The following ZNRF2 variants were observed in gnomAD, a reference collection of about 807,000 sequenced individuals.
The protein encoded by ZNRF2 is E3 ubiquitin-protein ligase ZNRF2.
Under a neutral mutation model 20.4 loss-of-function variants are expected in ZNRF2, and 16 were observed. The observed-to-expected ratio is 0.79, with a 90% CI of 0.53 to 1.19. The LOEUF is 1.19. Among genes scored for constraint, ZNRF2 ranks in the 50% most tolerant of loss-of-function variants. ZNRF2 has a pLI of 0.00. For missense variants in ZNRF2, 363 were observed against 332.4 expected (o/e 1.09, Z -0.72); for synonymous variants, 178 against 144.9 (o/e 1.23, Z -1.64).
At chr7:30,295,969 T>C (rs181475941) in intron 1 of ZNRF2, among the ~76,000 whole-genome samples, 2 of 152,366 alleles carry the variant, frequency 1.3e-5, no homozygotes, top group African/African-American at 4.8e-5. Context: ...TAATGTGTCT[T>C]CCTTATATTT....
At chr7:30,319,543 A>G (rs1583579459) in intron 1 of ZNRF2, among the ~76,000 whole-genome samples, 1 of 152,154 alleles carries the variant, frequency 6.6e-6, no homozygotes, top group Non-Finnish European at 1.5e-5. Context: ...TCACCTGACT[A>G]TTAAGGATAA....
In ZNRF2 at chr7:30,367,585, C is replaced by T. The variant is rs149966255; in HGVS notation, c.*1573C>T. The T allele has an allele frequency of 6.6e-6, 1 of 152,008 alleles. No homozygotes were observed. Among genetic ancestry groups the T allele is most frequent in the Non-Finnish European group, 1.5e-5 (1 of 67,850 alleles). 9.4% of individuals were successfully genotyped at this position (152,008 alleles called of 1,614,324 possible). On this transcript the variant is annotated 3_prime_UTR_variant, in exon 5 of 5. Coordinates refer to ENST00000323037, the MANE Select transcript of ZNRF2 (RefSeq NM_147128.4). ...CTAAATTTTTCCCCCTACTTTCTTG[C>T]TTCTGTTTCACATTTTTTAAAAGGG...
At position 30,339,606 on chromosome 7, in the gene ZNRF2, C is replaced by G. The variant is rs377639312; in HGVS notation, c.565+15869C>G. ...TGGTGTTATTTCTGAGGCCTTTGTTCTGTTCCATTGCTCTATATATCTGTT... is the reference window on the plus strand; with the variant it reads ...TGGTGTTATTTCTGAGGCCTTTGTTGTGTTCCATTGCTCTATATATCTGTT... On this transcript the variant is annotated intron_variant, in intron 2 of 4. Transcript: ENST00000323037. Among the ~76,000 whole-genome samples, 3 of 152,128 alleles carry G rather than the reference C, an allele frequency of 2.0e-5. No individual in the cohort carries two copies. The South Asian group carries it at 6.2e-4, about 31-fold the overall frequency.
chr7:30,322,843 A>C (rs1342989594), intron 1 of ZNRF2, among the ~76,000 whole-genome samples: 1 of 152,178 alleles, frequency 6.6e-6, no homozygotes, highest in Non-Finnish European at 1.5e-5. Context: ...TCTTAGCAGC[A>C]AGAAGGCAGG....
Position 30,362,364 on chromosome 7 carries a change from TG to T in ZNRF2, c.672-12del. ...ATAAGTATCTCAATTTTTCTGGTTT[TG>T]TTCCTTTCTAGCTGCATAGATGAAT... is the stretch of plus-strand genomic sequence containing the variant. On this transcript the variant is annotated splice_polypyrimidine_tract_variant and intron_variant, in intron 3 of 4. Transcript: ENST00000323037. 1 of 1,563,758 alleles carries T rather than the reference TG, an allele frequency of 6.4e-7. No individual in the cohort carries two copies.
chr7:30,295,050 AGTGTGTGTGTGTGTGTGTGTGTGT>A (rs71536219), intron 1 of ZNRF2, among the ~76,000 whole-genome samples: 1 of 38,238 alleles, frequency 2.6e-5, no homozygotes, highest in African/African-American at 1.3e-4. Flanking sequence ...AGAGAGAGAG[AGTGTGTGTGTGTGTGTGTGTGTGT>A]GTGTGTGTGT....
rs1299669432 is a variant in ZNRF2 at position 30,285,593 on chromosome 7, G to C, written c.236G>C (p.Arg79Pro). 1.8e-6 allele frequency: 2 copies of C among 1,107,758 alleles called. No individual in the cohort carries two copies. The highest frequency in any genetic ancestry group is 3.4e-5 in the African/African-American group (2 of 59,200). 68.6% of individuals were successfully genotyped at this position (1,107,758 alleles called of 1,614,324 possible). ...AAAPAAPAAPRSRSLGGAVGS... is the reference protein window; with the variant it reads ...AAAPAAPAAPPSRSLGGAVGS... ...GCCCCGGCAGCCCCGGCGGCCCCGC[G>C]CAGCCGCTCCCTCGGCGGGGCCGTG... Residue 79 changes from arginine (R) to proline (P), a missense_variant, in exon 1 of 5, where the codon CGC (arginine) becomes CCC (proline). Physicochemically the swap from Arg to Pro is moderately radical, Grantham distance 103. This residue lies in a region of ZNRF2 where 302 missense variants were observed against 231.5 expected (regional missense o/e 1.30). Coordinates refer to ENST00000323037, the MANE Select transcript of ZNRF2 (RefSeq NM_147128.4).
intron 1 of ZNRF2, 120 bp downstream of exon 1, chr7:30,285,946 C>G: frequency 1.5e-6 from 2 of 1,323,446 alleles, no homozygotes; most frequent in Non-Finnish European, 1.9e-6. Flanking sequence ...GGGGCTGCCT[C>G]CCGGACCAGC....
At chr7:30,336,977 A>G (rs1434506245) in intron 2 of ZNRF2, among the ~76,000 whole-genome samples, 1 of 152,194 alleles carries the variant, frequency 6.6e-6, no homozygotes, top group Non-Finnish European at 1.5e-5. Flanking sequence ...TTATTGAAAT[A>G]TTTTGTATCC....
chr7:30,325,552 G>A (rs1799538828), intron 2 of ZNRF2, among the ~76,000 whole-genome samples: 1 of 152,162 alleles, frequency 6.6e-6, no homozygotes, highest in Non-Finnish European at 1.5e-5. Flanking sequence ...TAACAAAAAT[G>A]TTGGGAGGGG....
chr7:30,334,845 A>G (rs546354951), intron 2 of ZNRF2, among the ~76,000 whole-genome samples: 4 of 152,292 alleles, frequency 2.6e-5, no homozygotes, highest in East Asian at 3.9e-4. Flanking sequence ...CTGACATACA[A>G]AGTTTAGATT....
chr7:30,322,666 C>CAAAAAAA (rs5883237), intron 1 of ZNRF2, among the ~76,000 whole-genome samples: 2 of 145,380 alleles, frequency 1.4e-5, no homozygotes. Flanking sequence ...ATCATATTTC[C>CAAAAAAA]AAAAAAAAAA....
At chr7:30,352,551 T>C (rs191568827) in intron 2 of ZNRF2, among the ~76,000 whole-genome samples, 5 of 152,190 alleles carry the variant, frequency 3.3e-5, no homozygotes, top group Non-Finnish European at 5.9e-5. Context: ...TGTTGAGGTA[T>C]GAGCAATAAC....
chr7:30,297,091 A>G (rs1012369359), intron 1 of ZNRF2, among the ~76,000 whole-genome samples: 1 of 152,038 alleles, frequency 6.6e-6, no homozygotes, highest in Non-Finnish European at 1.5e-5. Context: ...TTTCCTGTAC[A>G]ATTTTGTGTT....
intron 3 of ZNRF2, among the ~76,000 whole-genome samples, chr7:30,357,751 A>G (rs1047495322): frequency 6.6e-6 from 1 of 152,152 alleles, no homozygotes; most frequent in South Asian, 2.1e-4. Context: ...CAATGTAACA[A>G]TGAGTTCTAC....
At chr7:30,358,884 C>G (rs1432116506) in intron 3 of ZNRF2, among the ~76,000 whole-genome samples, 1 of 152,102 alleles carries the variant, frequency 6.6e-6, no homozygotes, top group Non-Finnish European at 1.5e-5. Context: ...TAGTTTTTTT[C>G]TCTCTCGATT....
intron 3 of ZNRF2, among the ~76,000 whole-genome samples, chr7:30,361,458 C>T (rs780731607): frequency 6.6e-6 from 1 of 152,164 alleles, no homozygotes; most frequent in Middle Eastern, 3.2e-3. Flanking sequence ...AGTCTTGTAG[C>T]TTTGCGGCAT....
intron 2 of ZNRF2, among the ~76,000 whole-genome samples, chr7:30,352,921 A>G (rs1799981236): frequency 6.6e-6 from 1 of 152,104 alleles, no homozygotes; most frequent in East Asian, 1.9e-4. Context: ...AGTCTTTCAC[A>G]ATTGTGAAAT....
chr7:30,357,124 A>G (rs568851148), intron 3 of ZNRF2, among the ~76,000 whole-genome samples: 45 of 152,348 alleles, frequency 3.0e-4, no homozygotes, highest in South Asian at 2.3e-3. Context: ...ATCAAGACCT[A>G]GAAAAATAGA....
Sources: gnomAD v4.1 joint callset for allele counts (sites outside exome capture counted in the v4.1 genomes callset) on GRCh38, gnomAD v4.1.1 for gene constraint, gnomAD v4.1.1 regional missense constraint, MANE v1.5 for transcripts, NCBI Gene and HGNC (gene_info 2026-07-23, HGNC 2026-07-21) for gene names.